PTPRQ: variants seen among roughly 807,000 people sequenced by gnomAD.
PTPRQ encodes phosphatidylinositol phosphatase PTPRQ.
In PTPRQ, 199 loss-of-function variants were observed where a neutral mutation model predicts 246.0. The ratio of observed to expected loss-of-function variants is 0.81; its 90% CI spans 0.72 to 0.91. PTPRQ has a LOEUF of 0.91. Among genes scored for constraint, PTPRQ ranks in the 40% least tolerant of loss-of-function variants. The pLI is 0.00. For synonymous variants in PTPRQ, 869 were observed against 853.2 expected, an observed-to-expected ratio of 1.02 and a Z score of -0.32; for missense variants, 2,624 against 2,528.4, an observed-to-expected ratio of 1.04 and a Z score of -0.81.
At chr12:80,522,366 C>G (rs968133250) in intron 17 of PTPRQ, among the ~76,000 whole-genome samples, 3 of 152,152 alleles carry the variant, frequency 2.0e-5, no homozygotes, top group Admixed American at 6.5e-5. Flanking sequence ...CCTTCTCCTG[C>G]CTAATCGACC....
At chr12:80,461,370 C>T (rs1490763685) in intron 6 of PTPRQ, among the ~76,000 whole-genome samples, 1 of 152,078 alleles carries the variant, frequency 6.6e-6, no homozygotes, top group African/African-American at 2.4e-5. Flanking sequence ...GCAGTTTCCT[C>T]ATCTGAAAAA....
chr12:80,559,847 A>G (rs1475502366), intron 25 of PTPRQ, among the ~76,000 whole-genome samples: 1 of 152,148 alleles, frequency 6.6e-6, no homozygotes, highest in South Asian at 2.1e-4. Context: ...TCCTGTCCAC[A>G]TTTTGTAAAA....
chr12:80,607,571 A>C (rs1898375742), intron 27 of PTPRQ, among the ~76,000 whole-genome samples: 2 of 150,398 alleles, frequency 1.3e-5, no homozygotes, highest in African/African-American at 4.9e-5. Flanking sequence ...TGTAGAAGTG[A>C]ACAACTCTGA....
At chr12:80,480,977 C>T (rs370569948) in intron 8 of PTPRQ, among the ~76,000 whole-genome samples, 33,231 of 151,944 alleles carry the variant, frequency 0.22, 4,086 homozygotes, top group African/African-American at 0.31. Context: ...CCTTCTGAAA[C>T]TATTCCAATC....
intron 17 of PTPRQ, among the ~76,000 whole-genome samples, chr12:80,516,963 T>C (rs1262327540): frequency 6.6e-6 from 1 of 152,050 alleles, no homozygotes; most frequent in Non-Finnish European, 1.5e-5. Context: ...AAGAAAGAAA[T>C]ACAGATAGAT....
intron 3 of PTPRQ, among the ~76,000 whole-genome samples, chr12:80,452,012 G>A (rs1313834893): frequency 3.3e-4 from 9 of 27,232 alleles, no homozygotes; most frequent in Non-Finnish European, 4.7e-4. Context: ...TCTCTTTGTA[G>A]GTCACTCAGG....
At chr12:80,540,106 T>G (rs1896108712) in intron 20 of PTPRQ, among the ~76,000 whole-genome samples, 162 bp downstream of exon 20, 1 of 152,118 alleles carries the variant, frequency 6.6e-6, no homozygotes. Context: ...ACTATTGCAG[T>G]AATAGCCTCT....
At chr12:80,460,536 G>T (rs1565718785) in intron 5 of PTPRQ, 117 bp from the exon 6 acceptor site, 1 of 394,930 alleles carries the variant, frequency 2.5e-6, no homozygotes, top group African/African-American at 2.1e-5. Flanking sequence ...TATAACTTTT[G>T]CATGTTATGT....
intron 30 of PTPRQ, among the ~76,000 whole-genome samples, chr12:80,619,002 C>T (rs1312830675): frequency 6.6e-6 from 1 of 151,328 alleles, no homozygotes; most frequent in South Asian, 2.1e-4. Context: ...ATGACTAGAA[C>T]AGAAATTAGT....
At chr12:80,580,591 G>T (rs1897402664) in intron 25 of PTPRQ, among the ~76,000 whole-genome samples, 1 of 152,208 alleles carries the variant, frequency 6.6e-6, no homozygotes, top group African/African-American at 2.4e-5. Context: ...GAGGGTTACT[G>T]CTGGTCACTT....
rs1326806182 is a variant in PTPRQ, at chr12:80,673,233, C to T, written c.6667C>T (p.His2223Tyr). 5.2e-6 allele frequency: 8 copies of T among 1,550,632 alleles called. No homozygotes were observed. In the Admixed American group the frequency reaches 1.6e-4, roughly 30 times the overall value. ...LDHLTQHIND[H>Y]DFVDIYGLVA... Reference sequence around the variant, plus strand: ...CCATTTAACACAACATATAAATGACCATGATTTTGTGGATATATATGGACT... The same window carrying T: ...CCATTTAACACAACATATAAATGACTATGATTTTGTGGATATATATGGACT... Residue 2223 changes from histidine (H) to tyrosine (Y), a missense_variant, in exon 43 of 45, where the codon CAT (histidine) becomes TAT (tyrosine). Physicochemically the swap from His to Tyr is moderately conservative, Grantham distance 83. Coordinates refer to ENST00000644991, the MANE Select transcript of PTPRQ (RefSeq NM_001145026.2).
intron 17 of PTPRQ, among the ~76,000 whole-genome samples, chr12:80,513,325 C>T (rs552724247): frequency 1.6e-4 from 24 of 152,232 alleles, no homozygotes; most frequent in African/African-American, 5.5e-4. Context: ...GACTCTCCTC[C>T]ATCCTCACCC....
chr12:80,595,738 C>T (rs554189241), intron 26 of PTPRQ, among the ~76,000 whole-genome samples: 154 of 147,494 alleles, frequency 1.0e-3, no homozygotes, highest in African/African-American at 3.8e-3. Flanking sequence ...ACAACAGTCC[C>T]CAGAGTGTGA....
rs552667526 is a variant in PTPRQ at position 80,514,402 on chromosome 12, A to ACACACACTCTCT, written c.2678+3960_2678+3961insACACACTCTCTC. 3.6e-3 allele frequency among the ~76,000 whole-genome samples: 404 copies of ACACACACTCTCT among 113,008 alleles called. 2 individuals carry two copies. Among genetic ancestry groups the ACACACACTCTCT allele is most frequent in the African/African-American group, 7.9e-3 (246 of 30,972 alleles). 74.1% of individuals were successfully genotyped at this position (113,008 alleles called of 152,430 possible). ...CACACACACACACACACACACACAC[A>ACACACACTCTCT]CTCTCTCTCTCTCTCTCTGCTTTAA... On this transcript the variant is annotated intron_variant, in intron 17 of 44. Transcript: ENST00000644991.
In PTPRQ at chr12:80,635,578, T is replaced by A. The variant is rs1333730596; in HGVS notation, c.5915+505T>A. Among the ~76,000 whole-genome samples the A allele has an allele frequency of 1.3e-5, 2 of 152,080 alleles. 1 individual carries two copies. The highest frequency in any genetic ancestry group is 4.2e-4 in the South Asian group (2 of 4,802). ...CATTTCTTTGTATTTAAAAATTAAA[T>A]ATAAAGTAAAAAGTTACCTTCAGAG... On this transcript the variant is annotated intron_variant, in intron 35 of 44. Coordinates refer to ENST00000644991, the MANE Select transcript of PTPRQ (RefSeq NM_001145026.2).
chr12:80,633,962 T>C (rs1212471800), intron 34 of PTPRQ, among the ~76,000 whole-genome samples: 1 of 152,220 alleles, frequency 6.6e-6, no homozygotes, highest in Non-Finnish European at 1.5e-5. Flanking sequence ...GAACATTCCT[T>C]GGGCTTTTAT....
Position 80,549,727 on chromosome 12 carries a change from T to C in PTPRQ, c.4278T>C (p.Pro1426=). 1 of 1,374,950 alleles carries C rather than the reference T, an allele frequency of 7.3e-7. No individual in the cohort carries two copies. The highest frequency in any genetic ancestry group is 2.5e-5 in the East Asian group (1 of 40,764). 85.2% of individuals were successfully genotyped at this position (1,374,950 alleles called of 1,614,324 possible). The change falls in exon 25 of 45, where the codon CCT becomes CCC. Residue 1426 remains proline, a synonymous_variant. Transcript: ENST00000644991. The part of the protein sequence containing the change: ...DESTCHVSTL[P]ETVPSVPTNI... ...GCACATGCCATGTCAGCACACTACC[T>C]GAAACAGGTAACTAACGTGAAACAG... is the stretch of plus-strand genomic sequence containing the variant.
intron 25 of PTPRQ, among the ~76,000 whole-genome samples, chr12:80,574,843 C>T (rs141625344): frequency 6.6e-6 from 1 of 152,210 alleles, no homozygotes; most frequent in East Asian, 1.9e-4. Flanking sequence ...CTACTGAGCT[C>T]CTTGGATTCT....
At chr12:80,502,155 T>C (rs1254621939) in intron 14 of PTPRQ, among the ~76,000 whole-genome samples, 1 of 151,882 alleles carries the variant, frequency 6.6e-6, no homozygotes, top group Non-Finnish European at 1.5e-5. Context: ...TGAAATCCAG[T>C]GCAGACGTGG....
Sources: allele counts gnomAD v4.1 joint callset (sites outside exome capture counted in the v4.1 genomes callset), GRCh38; gene constraint gnomAD v4.1.1; transcripts MANE v1.5; gene names NCBI Gene and HGNC (gene_info 2026-07-23, HGNC 2026-07-21).